Variants in ACOXL observed in about 807,000 individuals in gnomAD.
The protein encoded by ACOXL is acyl-coenzyme A oxidase-like protein.
A neutral mutation model predicts 71.9 loss-of-function variants in ACOXL; 70 were observed. That is an observed-to-expected ratio of 0.97 (90% CI 0.80 to 1.19). The LOEUF (loss-of-function observed/expected upper bound fraction) is 1.19. ACOXL is among the 50% of genes most tolerant of loss of function. The pLI, the probability that ACOXL is intolerant of heterozygous loss-of-function variation, is 0.00. For missense variants in ACOXL, 703 were observed against 736.3 expected, an observed-to-expected ratio of 0.95 and a Z score of 0.52; for synonymous variants, 253 against 281.6, an observed-to-expected ratio of 0.90 and a Z score of 1.02.
At chr2:110,826,249 G>A (rs749501994) in intron 9 of ACOXL, among the ~76,000 whole-genome samples, 10 of 151,960 alleles carry the variant, frequency 6.6e-5, no homozygotes, top group Non-Finnish European at 1.0e-4. Flanking sequence ...ACACACCTTC[G>A]GCATCTCCCT....
intron 9 of ACOXL, among the ~76,000 whole-genome samples, chr2:110,817,005 C>T (rs538610530): frequency 6.6e-6 from 1 of 152,194 alleles, no homozygotes; most frequent in Non-Finnish European, 1.5e-5. Flanking sequence ...TATTCCAGCC[C>T]CAGGTGTTAA....
chr2:111,005,136 T>A (rs571981167), intron 14 of ACOXL, among the ~76,000 whole-genome samples: 2 of 152,338 alleles, frequency 1.3e-5, no homozygotes, highest in South Asian at 4.1e-4. Flanking sequence ...CTGTTTTCTC[T>A]CTCATCACCT....
At chr2:110,843,372 CTG>C (rs1476779274) in intron 10 of ACOXL, among the ~76,000 whole-genome samples, 3 of 152,336 alleles carry the variant, frequency 2.0e-5, no homozygotes, top group South Asian at 4.1e-4. Flanking sequence ...TTCCTCCAAA[CTG>C]TGAAAGTGGC....
intron 15 of ACOXL, among the ~76,000 whole-genome samples, chr2:111,040,050 C>G (rs112900555): frequency 0.01 from 1,565 of 152,232 alleles, 12 homozygotes; most frequent in South Asian, 0.027. Flanking sequence ...TTATGCAAAC[C>G]CATTCCAGGC....
rs939533047 is a variant in ACOXL at position 110,806,698 on chromosome 2, A to G, written c.753+1303A>G. Among the ~76,000 whole-genome samples the G allele has an allele frequency of 6.6e-5, 10 of 152,334 alleles. No homozygotes were observed. The South Asian group carries it at 1.4e-3, about 22-fold the overall frequency. ...AGTAGCCTGCAGACCATCCTGACTC[A>G]GGGGCCCTCTGAGGAGAGTGCTGGG... On this transcript the variant is annotated intron_variant, in intron 9 of 17. Coordinates refer to ENST00000439055, the MANE Select transcript of ACOXL (RefSeq NM_001142807.4).
intron 14 of ACOXL, among the ~76,000 whole-genome samples, chr2:111,028,387 C>A (rs2065111480): frequency 6.6e-6 from 1 of 151,778 alleles, no homozygotes; most frequent in Non-Finnish European, 1.5e-5. Flanking sequence ...AATCCTCCCA[C>A]CTCAGCCCTC....
chr2:111,057,984 C>T (rs1388027500), intron 16 of ACOXL, among the ~76,000 whole-genome samples: 3 of 151,930 alleles, frequency 2.0e-5, no homozygotes, highest in African/African-American at 4.8e-5. Flanking sequence ...GCACGGCTTG[C>T]GGGTGGGGTG....
intron 10 of ACOXL, among the ~76,000 whole-genome samples, chr2:110,889,355 T>A (rs554829689): frequency 6.6e-6 from 1 of 152,352 alleles, no homozygotes; most frequent in South Asian, 2.1e-4. Context: ...TCATCCACAT[T>A]GTGTAAAATT....
intron 16 of ACOXL, among the ~76,000 whole-genome samples, chr2:111,077,136 A>G (rs761361926): frequency 6.6e-6 from 1 of 152,244 alleles, no homozygotes; most frequent in African/African-American, 2.4e-5. Context: ...GCTATCATTC[A>G]GCCTGCAACA....
At position 111,118,417 on chromosome 2, in the gene ACOXL, T is replaced by C. The variant is rs1236282580; in HGVS notation, c.*601T>C. Among the ~76,000 whole-genome samples, 1 of 152,220 alleles carries C rather than the reference T, an allele frequency of 6.6e-6. No individual in the cohort carries two copies. Among genetic ancestry groups the C allele is most frequent in the Admixed American group, 6.5e-5 (1 of 15,286 alleles). ...GCTCTCGGCAAAACAAGAACTCGGC[T>C]TGTCCTCCCAGGCCGGCGGTTTCCG... is the stretch of plus-strand genomic sequence containing the variant. On this transcript the variant is annotated 3_prime_UTR_variant, in exon 18 of 18. Transcript: ENST00000439055.
chr2:110,984,858 A>C (rs139740444), intron 12 of ACOXL, among the ~76,000 whole-genome samples: 4 of 152,198 alleles, frequency 2.6e-5, no homozygotes, highest in Non-Finnish European at 5.9e-5. Context: ...TGGGCAGTAC[A>C]TTGTCTGATG....
At chr2:110,886,300 T>C (rs1697278141) in intron 10 of ACOXL, among the ~76,000 whole-genome samples, 1 of 152,162 alleles carries the variant, frequency 6.6e-6, no homozygotes, top group African/African-American at 2.4e-5. Flanking sequence ...GTCGGCCACA[T>C]TGCACAGGCA....
intron 10 of ACOXL, among the ~76,000 whole-genome samples, chr2:110,902,763 C>G (rs2059290941): frequency 6.6e-6 from 1 of 152,194 alleles, no homozygotes; most frequent in South Asian, 2.1e-4. Flanking sequence ...GTTTGTATGT[C>G]TAGGAGTGCC....
intron 12 of ACOXL, among the ~76,000 whole-genome samples, chr2:110,945,145 T>G (rs150240640): frequency 1.3e-5 from 2 of 152,366 alleles, no homozygotes; most frequent in African/African-American, 4.8e-5. Context: ...ATGTATGTCT[T>G]CTTTGAAAAG....
At chr2:110,919,713 T>C (rs1007951556) in intron 11 of ACOXL, among the ~76,000 whole-genome samples, 13 of 152,174 alleles carry the variant, frequency 8.5e-5, no homozygotes, top group African/African-American at 3.1e-4. Context: ...GCTGTCTCTT[T>C]TTAGTTAACT....
chr2:110,941,501 G>A (rs890925907), intron 12 of ACOXL, among the ~76,000 whole-genome samples: 2 of 152,096 alleles, frequency 1.3e-5, no homozygotes, highest in Non-Finnish European at 2.9e-5. Context: ...AATTATTTCT[G>A]GGGCTGTTTT....
intron 10 of ACOXL, among the ~76,000 whole-genome samples, chr2:110,876,218 A>G (rs1389965726): frequency 1.3e-5 from 2 of 152,220 alleles, no homozygotes; most frequent in Admixed American, 6.5e-5. Context: ...ATCTAGACCC[A>G]GGCAACTCCA....
chr2:110,927,086 T>C (rs1463621026), intron 11 of ACOXL, among the ~76,000 whole-genome samples: 2 of 152,198 alleles, frequency 1.3e-5, no homozygotes, highest in South Asian at 2.1e-4. Flanking sequence ...AAACTTACAA[T>C]CATGGTGGAA....
intron 9 of ACOXL, among the ~76,000 whole-genome samples, chr2:110,807,869 C>A (rs368702276): frequency 3.9e-5 from 6 of 152,274 alleles, no homozygotes; most frequent in African/African-American, 1.4e-4. Context: ...TACGTGCGTT[C>A]CTTGTGTATT....
Sources: gnomAD v4.1 joint callset for allele counts (sites outside exome capture counted in the v4.1 genomes callset) on GRCh38, gnomAD v4.1.1 for gene constraint, MANE v1.5 for transcripts, NCBI Gene and HGNC (gene_info 2026-07-23, HGNC 2026-07-21) for gene names.